Variants in ZNF875 observed in about 807,000 individuals in gnomAD.
The protein encoded by ZNF875 is zinc finger protein 875, also known as HKR1, GLI-Kruppel zinc finger family member.
A neutral mutation model predicts 11.2 loss-of-function variants in ZNF875; 14 were observed. The observed-to-expected ratio is 1.26, with a 90% confidence interval of 0.83 to 1.96. The LOEUF (loss-of-function observed/expected upper bound fraction) is 1.96, where lower values mean the gene tolerates loss of function less well. ZNF875 is among the 30% of genes most tolerant of loss of function. ZNF875 has a pLI of 0.00. For missense variants in ZNF875, 752 were observed against 760.4 expected (o/e 0.99, Z 0.13); for synonymous variants, 301 against 281.1 (o/e 1.07, Z -0.71).
intron 2 of ZNF875, among the ~76,000 whole-genome samples, chr19:37,344,087 T>G (rs183510476): frequency 8.1e-4 from 124 of 152,286 alleles, no homozygotes; most frequent in African/African-American, 2.8e-3. Context: ...GCAACTTTGT[T>G]TAATTCTCAC....
At chr19:37,327,740 G>A (rs1230717376) in intron 4 of ZNF875, among the ~76,000 whole-genome samples, 2 of 137,406 alleles carry the variant, frequency 1.5e-5, no homozygotes, top group Non-Finnish European at 3.1e-5. Context: ...CTCCAGCCTG[G>A]CCCACAGAGC....
At position 37,362,733 on chromosome 19, in the gene ZNF875, A is replaced by C; in HGVS notation, c.881A>C (p.Lys294Thr). 2.5e-6 allele frequency: 4 copies of C among 1,613,724 alleles called. No homozygotes were observed. Among genetic ancestry groups the C allele is most frequent in the Non-Finnish European group, 3.4e-6 (4 of 1,179,774 alleles). ...GAATGTGGGCGAGGCTTTACGTGGA[A>C]GTCAAACCTGATCACACATCAGAGG... ...CRECGRGFTW[K>T]SNLITHQRTH... is the part of the protein sequence containing the mutation. Residue 294 changes from lysine to threonine, a missense_variant, in exon 5 of 5, where the codon AAG (lysine) becomes ACG (threonine). By Grantham distance (78) the Lys-to-Thr change is moderately conservative. Transcript: ENST00000392153.
At chr19:37,335,352 G>C (rs1469620547) in intron 2 of ZNF875, 95 bp downstream of exon 2, 3 of 621,230 alleles carry the variant, frequency 4.8e-6, no homozygotes, top group African/African-American at 1.8e-5. Context: ...ATTGGGCAAA[G>C]TCATTCCTAG....
chr19:37,364,085 C>A lies in ZNF875; in HGVS notation c.*310C>A. 1 of 330,680 alleles carries A rather than the reference C, an allele frequency of 3.0e-6. No homozygotes were observed. The allele number at this position is 330,680 out of a possible 1,614,324, so 20.5% of individuals were successfully genotyped here. ...ATGCCCAGGCAGATAGGGGTGGGTACCTGGTGAAACCCAACCTTAAAGCTG... is the reference window on the plus strand; with the variant it reads ...ATGCCCAGGCAGATAGGGGTGGGTAACTGGTGAAACCCAACCTTAAAGCTG... On this transcript the variant is annotated 3_prime_UTR_variant, in exon 5 of 5. Coordinates refer to ENST00000392153, the MANE Select transcript of ZNF875 (RefSeq NM_001353803.2).
At position 37,363,589 on chromosome 19, in the gene ZNF875, G is replaced by C; in HGVS notation, c.1737G>C (p.Gln579His). ...FCAKLTLIKH[Q>H]RAHAGGKPHV... Reference sequence around the variant, plus strand: ...CTAAGTTAACTCTCATTAAACACCAGAGAGCACACGCAGGGGGGAAGCCTC... The same window carrying C: ...CTAAGTTAACTCTCATTAAACACCACAGAGCACACGCAGGGGGGAAGCCTC... The change falls in exon 5 of 5, where the codon CAG (glutamine) becomes CAC (histidine). Residue 579 changes from glutamine (Q) to histidine (H), a missense_variant. Gln to His is a conservative substitution (Grantham distance 24). Coordinates refer to ENST00000392153, the MANE Select transcript of ZNF875 (RefSeq NM_001353803.2). 1 of 1,613,876 alleles carries C rather than the reference G, an allele frequency of 6.2e-7. No homozygotes were observed. Among genetic ancestry groups the C allele is most frequent in the Non-Finnish European group, 8.5e-7 (1 of 1,179,948 alleles).
In ZNF875 at chr19:37,355,902, G is replaced by A. The variant is rs560632037; in HGVS notation, c.257-6207G>A. On this transcript the variant is annotated intron_variant, in intron 4 of 4. Coordinates refer to ENST00000392153, the MANE Select transcript of ZNF875 (RefSeq NM_001353803.2). The stretch of plus-strand genomic sequence containing the variant: ...CACCCAAATAGTTTACATAGTACCT[G>A]ATAGGTAGTTTTTCAGCCCTTACCT... Among the ~76,000 whole-genome samples the A allele has an allele frequency of 5.9e-5, 9 of 152,308 alleles. No homozygotes were observed. In the East Asian group the frequency reaches 1.7e-3, roughly 29 times the overall value.
chr19:37,335,510 T>C (rs1329534776), intron 2 of ZNF875, among the ~76,000 whole-genome samples: 1 of 152,058 alleles, frequency 6.6e-6, no homozygotes, highest in Non-Finnish European at 1.5e-5. Flanking sequence ...AACAAAAAAG[T>C]ATATTTGGAA....
chr19:37,356,469 G>T (rs539308910), intron 4 of ZNF875, among the ~76,000 whole-genome samples: 111 of 152,122 alleles, frequency 7.3e-4, no homozygotes, highest in Middle Eastern at 3.4e-3. Flanking sequence ...TTTAATAATA[G>T]CCATTCTGAC....
chr19:37,363,263 TCA>T lies in ZNF875; in HGVS notation c.1417_1418del (p.Thr473GlyfsTer37). The T allele has an allele frequency of 6.2e-7, 1 of 1,609,692 alleles. No individual in the cohort carries two copies. The highest frequency in any genetic ancestry group is 8.5e-7 in the Non-Finnish European group (1 of 1,178,504). ...LKSNLNKHQR[S>X]HTGEKPFVCT... is the part of the protein sequence containing the mutation. ...GTCAAACCTTAACAAACACCAGAGG[TCA>T]CACACGGGGGAGAAGCCATTTGTAT... On this transcript the variant is annotated frameshift_variant, in exon 5 of 5. Coordinates refer to ENST00000392153, the MANE Select transcript of ZNF875 (RefSeq NM_001353803.2). LOFTEE classifies it low-confidence loss of function (END_TRUNC).
rs573468246 is a variant in ZNF875, at chr19:37,341,490, G to A, written c.34-5700G>A. On this transcript the variant is annotated intron_variant, in intron 2 of 4. Coordinates refer to ENST00000392153, the MANE Select transcript of ZNF875 (RefSeq NM_001353803.2). ...GTCAAATGGTCTTGGGTTTCTCTAT[G>A]CAGGAAGAGAGGACAGCCCCAATTA... Among the ~76,000 whole-genome samples, 163 of 152,242 alleles carry A rather than the reference G, an allele frequency of 1.1e-3. 1 individual carries two copies. Among genetic ancestry groups the A allele is most frequent in the African/African-American group, 3.8e-3 (156 of 41,540 alleles).
chr19:37,317,293 C>A (rs1485870786), upstream of ZNF875, among the ~76,000 whole-genome samples: 4 of 137,226 alleles, frequency 2.9e-5, no homozygotes, highest in Non-Finnish European at 6.1e-5. Context: ...TCACGCCATT[C>A]TCCTGCCTCA....
At chr19:37,317,816 A>T (rs968434349), upstream of ZNF875, 8 of 152,444 alleles carry the variant, frequency 5.2e-5, no homozygotes, top group African/African-American at 1.9e-4. Flanking sequence ...GTTGCCTGGA[A>T]ACAGACTGTC....
At chr19:37,351,777 A>G (rs1161464561) in intron 4 of ZNF875, among the ~76,000 whole-genome samples, 1 of 152,142 alleles carries the variant, frequency 6.6e-6, no homozygotes, top group African/African-American at 2.4e-5. Flanking sequence ...GAGAGAATGT[A>G]TTCTGTATAT....
chr19:37,335,721 G>C (rs2034230221), intron 2 of ZNF875, among the ~76,000 whole-genome samples: 1 of 152,204 alleles, frequency 6.6e-6, no homozygotes, highest in Non-Finnish European at 1.5e-5. Flanking sequence ...ACTTCAAGGA[G>C]CCAGGCGCCA....
chr19:37,348,621 G>T (rs1232275848), intron 4 of ZNF875, among the ~76,000 whole-genome samples: 1 of 151,966 alleles, frequency 6.6e-6, no homozygotes, highest in Non-Finnish European at 1.5e-5. Flanking sequence ...CATTTTTGTG[G>T]CTATATAATA....
At chr19:37,319,550 ATTCTTGAT>A (rs1231197301) in intron 1 of ZNF875, among the ~76,000 whole-genome samples, 1 of 151,762 alleles carries the variant, frequency 6.6e-6, no homozygotes, top group Non-Finnish European at 1.5e-5. Context: ...CATAGGCCTT[ATTCTTGAT>A]TCTCAGCTCC....
intron 2 of ZNF875, among the ~76,000 whole-genome samples, chr19:37,344,232 G>C (rs925957010): frequency 6.6e-6 from 1 of 152,218 alleles, no homozygotes; most frequent in Non-Finnish European, 1.5e-5. Context: ...TTTGTCTCCA[G>C]AGTTTGTGCT....
intron 4 of ZNF875, among the ~76,000 whole-genome samples, chr19:37,328,306 G>C (rs2032849817): frequency 6.6e-6 from 1 of 152,164 alleles, no homozygotes; most frequent in South Asian, 2.1e-4. Flanking sequence ...CAGATTTTCT[G>C]GAAGGTTTAC....
In ZNF875 at chr19:37,347,349, G is replaced by T. The variant is rs1292143206; in HGVS notation, c.160+33G>T. On this transcript the variant is annotated intron_variant, in intron 3 of 4. Transcript: ENST00000392153. ...TGGCCTCCCTTGGCACTTAAAATCT[G>T]CCCTACAGAGTATTTTCCACTCATC... 5.0e-6 allele frequency: 8 copies of T among 1,591,170 alleles called. No individual in the cohort carries two copies. In the African/African-American group the frequency reaches 5.4e-5, roughly 11 times the overall value.
Sources: allele counts gnomAD v4.1 joint callset (sites outside exome capture counted in the v4.1 genomes callset), GRCh38; gene constraint gnomAD v4.1.1; transcripts MANE v1.5; gene names NCBI Gene and HGNC (gene_info 2026-07-23, HGNC 2026-07-21).